The following BNC2 variants were observed in gnomAD, a reference collection of about 807,000 sequenced individuals.
The protein encoded by BNC2 is basonuclin zinc finger protein 2.
A neutral mutation model predicts 76.3 loss-of-function variants in BNC2; 20 were observed. The observed-to-expected ratio is 0.26, with a 90% CI of 0.18 to 0.38. The LOEUF (loss-of-function observed/expected upper bound fraction) is 0.38. BNC2 is among the 10% of genes least tolerant of loss of function. BNC2 has a pLI of 1.00. For missense variants in BNC2, 1,382 were observed against 1,399.8 expected (o/e 0.99, Z 0.20); for synonymous variants, 582 against 514.8 (o/e 1.13, Z -1.77).
At position 16,415,212 on chromosome 9, in the gene BNC2, A is replaced by G. The variant is rs1820559980; in HGVS notation, c.*3777T>C. Reference sequence around the variant, plus strand: ...ATTTAAATACAATTAATATCAGAACAAAGAATGCCAAGGATTTTTATCACA... The same window carrying G: ...ATTTAAATACAATTAATATCAGAACGAAGAATGCCAAGGATTTTTATCACA... On this transcript the variant is annotated 3_prime_UTR_variant, in exon 7 of 7. Transcript: ENST00000380672. 6.6e-6 allele frequency: 1 copy of G among 152,506 alleles called. No individual in the cohort carries two copies. The highest frequency in any genetic ancestry group is 6.5e-5 in the Admixed American group (1 of 15,288). The allele number at this position is 152,506 out of a possible 1,614,324, so 9.4% of individuals were successfully genotyped here. A position where few individuals can be genotyped will look rare whatever the true frequency, so the allele number is the denominator to read the frequency against.
At chr9:16,463,141 G>A (rs1587057444) in intron 5 of BNC2, among the ~76,000 whole-genome samples, 1 of 152,082 alleles carries the variant, frequency 6.6e-6, no homozygotes, top group African/African-American at 2.4e-5. Flanking sequence ...TGTGTAACAG[G>A]AAACATGGAT....
chr9:16,665,386 A>AAGAGAGAGAGAGAGAGAG lies in BNC2; in HGVS notation c.330+62410_330+62411insCTCTCTCTCTCTCTCTCT, dbSNP rs55852227. On this transcript the variant is annotated intron_variant, in intron 3 of 6. Transcript: ENST00000380672. ...CCTCTGTCTCAAAAAAAAAAAAAAA[A>AAGAGAGAGAGAGAGAGAG]AGAGAGAGAGAGAGAGAAAGAGAGA... 8.5e-4 allele frequency among the ~76,000 whole-genome samples: 72 copies of AAGAGAGAGAGAGAGAGAG among 84,266 alleles called. 3 individuals are homozygous for AAGAGAGAGAGAGAGAGAG. The highest frequency in any genetic ancestry group is 3.4e-3 in the African/African-American group (70 of 20,494). 55.3% of individuals were successfully genotyped at this position (84,266 alleles called of 152,430 possible).
intron 1 of BNC2, among the ~76,000 whole-genome samples, chr9:16,765,131 A>G (rs1221273501): frequency 1.3e-5 from 2 of 152,212 alleles, no homozygotes; most frequent in Non-Finnish European, 2.9e-5. Flanking sequence ...TCTATCGTAC[A>G]CAAATATTTA....
At chr9:16,758,717 A>T (rs1444008406) in intron 1 of BNC2, among the ~76,000 whole-genome samples, 5 of 152,196 alleles carry the variant, frequency 3.3e-5, no homozygotes, top group Non-Finnish European at 5.9e-5. Flanking sequence ...TGACCGCACA[A>T]GACATACAAA....
chr9:16,613,235 G>A (rs556510281), intron 3 of BNC2, among the ~76,000 whole-genome samples: 3 of 152,244 alleles, frequency 2.0e-5, no homozygotes, highest in South Asian at 2.1e-4. Flanking sequence ...GTGCCAGTTT[G>A]AATAAGCAAA....
chr9:16,747,188 AAAT>A, intron 1 of BNC2, among the ~76,000 whole-genome samples: 1 of 152,306 alleles, frequency 6.6e-6, no homozygotes, highest in South Asian at 2.1e-4. Flanking sequence ...CAGGGTACAT[AAAT>A]AATTAATTGT....
chr9:16,481,356 G>A lies in BNC2; in HGVS notation c.670-43832C>T, dbSNP rs184771753. On this transcript the variant is annotated intron_variant, in intron 5 of 6. Transcript: ENST00000380672. ...CACATCGTGGAAGCTTTGTTCTTTC[G>A]CTCCTTGCAATAAATCTTGCTACTG... is the stretch of plus-strand genomic sequence containing the variant. 2.1e-3 allele frequency among the ~76,000 whole-genome samples: 321 copies of A among 152,104 alleles called. 1 individual carries two copies. The highest frequency in any genetic ancestry group is 6.8e-3 in the Middle Eastern group (2 of 294).
At chr9:16,574,521 C>G (rs992984982) in intron 4 of BNC2, among the ~76,000 whole-genome samples, 1 of 152,074 alleles carries the variant, frequency 6.6e-6, no homozygotes, top group African/African-American at 2.4e-5. Context: ...AGGTATGGAA[C>G]TATACTGGAT....
intron 5 of BNC2, among the ~76,000 whole-genome samples, chr9:16,529,510 A>G (rs1168194021): frequency 6.6e-6 from 1 of 152,188 alleles, no homozygotes; most frequent in Admixed American, 6.5e-5. Flanking sequence ...CATAATCAAA[A>G]ACCAATAACA....
chr9:16,502,213 A>T (rs993564019), intron 5 of BNC2, among the ~76,000 whole-genome samples: 1 of 152,080 alleles, frequency 6.6e-6, no homozygotes, highest in Non-Finnish European at 1.5e-5. Flanking sequence ...AAATAAGAAA[A>T]ATTAGCCAGA....
intron 3 of BNC2, among the ~76,000 whole-genome samples, chr9:16,618,590 T>C (rs1441443161): frequency 2.0e-5 from 3 of 152,108 alleles, no homozygotes. Context: ...TAATATACCC[T>C]AGGATAAAAG....
intron 4 of BNC2, among the ~76,000 whole-genome samples, chr9:16,576,391 G>T (rs2149159): frequency 0.95 from 145,288 of 152,222 alleles, 69,405 homozygotes; most frequent in East Asian, 1. Flanking sequence ...GAATTTCTAT[G>T]CGGAGTGGGA....
At chr9:16,457,992 G>C (rs7042237) in intron 5 of BNC2, among the ~76,000 whole-genome samples, 3 of 152,076 alleles carry the variant, frequency 2.0e-5, no homozygotes, top group African/African-American at 7.2e-5. Flanking sequence ...TCTGTTGCTC[G>C]ATCCAGGAAT....
intron 1 of BNC2, among the ~76,000 whole-genome samples, chr9:16,814,109 C>CA (rs1410710639): frequency 6.6e-6 from 1 of 152,182 alleles, no homozygotes; most frequent in African/African-American, 2.4e-5. Flanking sequence ...CTACTTGTTT[C>CA]ATCTCCTCAT....
intron 6 of BNC2, among the ~76,000 whole-genome samples, chr9:16,421,774 T>G (rs1393641735): frequency 6.6e-6 from 1 of 152,234 alleles, no homozygotes; most frequent in African/African-American, 2.4e-5. Context: ...CACCAGTTAT[T>G]ACAAGAATGT....
intron 5 of BNC2, among the ~76,000 whole-genome samples, chr9:16,438,512 A>G (rs908193237): frequency 1.3e-5 from 2 of 152,132 alleles, no homozygotes; most frequent in Non-Finnish European, 2.9e-5. Context: ...GGACTTTAAA[A>G]TCCTGCAATG....
chr9:16,482,095 T>C (rs1475180271), intron 5 of BNC2, among the ~76,000 whole-genome samples: 1 of 152,158 alleles, frequency 6.6e-6, no homozygotes, highest in Non-Finnish European at 1.5e-5. Context: ...TTGTCAGTAA[T>C]AAAAATATTA....
rs556257053 is a variant in BNC2 at position 16,409,653 on chromosome 9, TA to T, written c.*9335del. 1.3e-5 allele frequency: 2 copies of T among 152,642 alleles called. No individual in the cohort carries two copies. Among genetic ancestry groups the T allele is most frequent in the African/African-American group, 4.8e-5 (2 of 41,452 alleles). 9.5% of individuals were successfully genotyped at this position (152,642 alleles called of 1,614,324 possible). On this transcript the variant is annotated 3_prime_UTR_variant, in exon 7 of 7. Transcript: ENST00000380672. Reference sequence around the variant, plus strand: ...AAAGACATACTGTAGGCAGTTATAGTACAGAAAATACAACCAAAGTAACAGC... The same window carrying T: ...AAAGACATACTGTAGGCAGTTATAGTCAGAAAATACAACCAAAGTAACAGC...
At chr9:16,612,818 T>C (rs1226947554) in intron 3 of BNC2, among the ~76,000 whole-genome samples, 1 of 152,180 alleles carries the variant, frequency 6.6e-6, no homozygotes, top group Non-Finnish European at 1.5e-5. Context: ...GTTTGGAAGA[T>C]GGATAGGCTT....
Sources: allele counts gnomAD v4.1 joint callset (sites outside exome capture counted in the v4.1 genomes callset), GRCh38; gene constraint gnomAD v4.1.1; transcripts MANE v1.5; gene names NCBI Gene and HGNC (gene_info 2026-07-23, HGNC 2026-07-21).